Variants in SLC22A3 observed in about 807,000 individuals in gnomAD.
SLC22A3 encodes EMT organic cation transporter 3.
Under a neutral mutation model 59.1 loss-of-function variants are expected in SLC22A3, and 51 were observed. The observed-to-expected ratio is 0.86, with a 90% CI of 0.69 to 1.09. The LOEUF is 1.09. Among genes scored for constraint, SLC22A3 ranks in the 50% least tolerant of loss-of-function variants. SLC22A3 has a pLI of 0.00. For missense variants in SLC22A3, 711 were observed against 726.3 expected, an observed-to-expected ratio of 0.98 and a Z score of 0.24; for synonymous variants, 325 against 292.0, an observed-to-expected ratio of 1.11 and a Z score of -1.15.
rs3066963 is a variant in SLC22A3, at chr6:160,410,956, TTA to T, written c.975+122_975+123del. ...TAAATTTATATACAAAATATGCATA[TTA>T]TATATATATATGTATGTATGTATAT... is the stretch of plus-strand genomic sequence containing the variant. On this transcript the variant is annotated intron_variant, in intron 5 of 10. Transcript: ENST00000275300. The T allele has an allele frequency of 3.8e-3, 2,167 of 572,494 alleles. 47 individuals carry two copies. The East Asian group carries it at 0.049, about 13-fold the overall frequency. The allele number at this position is 572,494 out of a possible 1,614,324, so 35.5% of individuals were successfully genotyped here. A position where few individuals can be genotyped will look rare whatever the true frequency, so the allele number is the denominator to read the frequency against.
rs1049312393 is a variant in SLC22A3 at position 160,407,299 on chromosome 6, G to A, written c.688+104G>A. On this transcript the variant is annotated intron_variant, in intron 3 of 10. Transcript: ENST00000275300. ...TCTTCCTCATGTGTCCTTTAACAAA[G>A]GAGGTTTCACTGCAGCTACAGTAAT... 3.1e-5 allele frequency: 39 copies of A among 1,239,894 alleles called. No individual in the cohort carries two copies. In the Admixed American group the frequency reaches 9.4e-4, roughly 30 times the overall value. The allele number at this position is 1,239,894 out of a possible 1,614,324, so 76.8% of individuals were successfully genotyped here.
chr6:160,405,619 A>G (rs943399977), intron 2 of SLC22A3, among the ~76,000 whole-genome samples: 17 of 152,156 alleles, frequency 1.1e-4, no homozygotes, highest in Non-Finnish European at 2.2e-4. Context: ...CCAAAAACCT[A>G]CACATACATG....
At position 160,352,647 on chromosome 6, in the gene SLC22A3, A is replaced by T. The variant is rs548528531; in HGVS notation, c.429+3799A>T. ...GGAATCACTTTTTCCCTTCCAGATT[A>T]CCTGGCTGAATCTATAAAAACTGAA... is the stretch of plus-strand genomic sequence containing the variant. On this transcript the variant is annotated intron_variant, in intron 1 of 10. Coordinates refer to ENST00000275300, the MANE Select transcript of SLC22A3 (RefSeq NM_021977.4). Among the ~76,000 whole-genome samples the T allele has an allele frequency of 6.8e-4, 103 of 152,302 alleles. 1 individual carries two copies. Among genetic ancestry groups the T allele is most frequent in the African/African-American group, 2.4e-3 (99 of 41,562 alleles).
At chr6:160,378,658 A>G (rs1048484812) in intron 1 of SLC22A3, among the ~76,000 whole-genome samples, 6 of 152,200 alleles carry the variant, frequency 3.9e-5, no homozygotes, top group Non-Finnish European at 8.8e-5. Context: ...GTTAAATTGA[A>G]AATATCATAA....
chr6:160,435,383 C>T (rs1400401199), intron 5 of SLC22A3, among the ~76,000 whole-genome samples: 1 of 152,190 alleles, frequency 6.6e-6, no homozygotes, highest in Non-Finnish European at 1.5e-5. Context: ...AGTTGTAGGA[C>T]ACCTTCCAAT....
chr6:160,374,003 C>T (rs545059588), intron 1 of SLC22A3, among the ~76,000 whole-genome samples: 3 of 152,312 alleles, frequency 2.0e-5, no homozygotes, highest in African/African-American at 7.2e-5. Flanking sequence ...AGCCCCCTTT[C>T]CAGGGGAGAG....
In SLC22A3 at chr6:160,451,233, T is replaced by C. The variant is rs1429018753; in HGVS notation, c.*177T>C. ...TATATAATGTTGGATGAGTTAGGAT[T>C]TGTAATGCTGTTGAAGTTTCTGGGA... On this transcript the variant is annotated 3_prime_UTR_variant, in exon 11 of 11. Transcript: ENST00000275300. The C allele has an allele frequency of 4.7e-6, 3 of 633,226 alleles. No individual in the cohort carries two copies. In the African/African-American group the frequency reaches 5.5e-5, roughly 12 times the overall value. The allele number at this position is 633,226 out of a possible 1,614,324, so 39.2% of individuals were successfully genotyped here.
intron 1 of SLC22A3, among the ~76,000 whole-genome samples, chr6:160,349,880 CTT>C (rs926645696): frequency 6.6e-6 from 1 of 152,114 alleles, no homozygotes; most frequent in Non-Finnish European, 1.5e-5. Context: ...AAAGGTTTGT[CTT>C]TTTTTTGTGA....
rs1274779208 is a variant in SLC22A3, at chr6:160,437,092, A to G, written c.1169A>G (p.Glu390Gly). Reference sequence around the variant, plus strand: ...GACTTTTTCATCTCGGGCGTGGTGGAACTGCCAGGAGCTCTCTTGATCTTA... The same window carrying G: ...GACTTTTTCATCTCGGGCGTGGTGGGACTGCCAGGAGCTCTCTTGATCTTA... Reference protein sequence around the residue: ...YIDFFISGVVELPGALLILLT... With the variant: ...YIDFFISGVVGLPGALLILLT... Residue 390 changes from glutamate to glycine, a missense_variant, in exon 7 of 11, where the codon GAA (glutamate) becomes GGA (glycine). Transcript: ENST00000275300. 2 of 1,614,178 alleles carry G rather than the reference A, an allele frequency of 1.2e-6. No homozygotes were observed. Among genetic ancestry groups the G allele is most frequent in the African/African-American group, 2.7e-5 (2 of 75,048 alleles).
chr6:160,449,992 A>G (rs1788889106), intron 10 of SLC22A3, among the ~76,000 whole-genome samples: 1 of 152,188 alleles, frequency 6.6e-6, no homozygotes, highest in Admixed American at 6.5e-5. Context: ...ATCACAAGAC[A>G]AAGAGCAAAA....
intron 5 of SLC22A3, among the ~76,000 whole-genome samples, chr6:160,423,453 G>A (rs1180977946): frequency 6.6e-6 from 1 of 152,196 alleles, no homozygotes; most frequent in Non-Finnish European, 1.5e-5. Flanking sequence ...CACAAACAGT[G>A]TGAAAGTGTT....
At chr6:160,427,431 G>A (rs984284443) in intron 5 of SLC22A3, among the ~76,000 whole-genome samples, 6 of 152,116 alleles carry the variant, frequency 3.9e-5, no homozygotes, top group Non-Finnish European at 8.8e-5. Flanking sequence ...AGTGGGGGAA[G>A]GGCCTTATGT....
At chr6:160,435,176 T>TCTA (rs1344736708) in intron 5 of SLC22A3, among the ~76,000 whole-genome samples, 1 of 152,160 alleles carries the variant, frequency 6.6e-6, no homozygotes, top group East Asian at 1.9e-4. Context: ...CAACTAAAAT[T>TCTA]CTACGTATTC....
In SLC22A3 at chr6:160,378,764, C is replaced by T. The variant is rs562268989; in HGVS notation, c.430-19215C>T. ...CAGAATGCTTACACTAGCCTGCAGT[C>T]GGGCAAAATTATCTAACACAAAGCC... On this transcript the variant is annotated intron_variant, in intron 1 of 10. Transcript: ENST00000275300. Among the ~76,000 whole-genome samples the T allele has an allele frequency of 2.6e-5, 4 of 152,244 alleles. No homozygotes were observed. The East Asian group carries it at 7.7e-4, about 29-fold the overall frequency.
rs778506325 is a variant in SLC22A3, at chr6:160,436,977, G to A, written c.1074-20G>A. On this transcript the variant is annotated intron_variant, in intron 6 of 10. Coordinates refer to ENST00000275300, the MANE Select transcript of SLC22A3 (RefSeq NM_021977.4). Reference sequence around the variant, plus strand: ...AGTTATCTCTTACTTGTTCTCTGGTGTCTTTCAATGTTGCTACAGGTTCAC... The same window carrying A: ...AGTTATCTCTTACTTGTTCTCTGGTATCTTTCAATGTTGCTACAGGTTCAC... The A allele has an allele frequency of 1.2e-6, 2 of 1,613,950 alleles. No individual in the cohort carries two copies. The highest frequency in any genetic ancestry group is 1.1e-5 in the South Asian group (1 of 91,078).
intron 1 of SLC22A3, among the ~76,000 whole-genome samples, chr6:160,391,066 C>T (rs1455939063): frequency 1.3e-5 from 2 of 152,162 alleles, no homozygotes; most frequent in Non-Finnish European, 2.9e-5. Flanking sequence ...CAAAGGATAC[C>T]TGTCATTGGA....
chr6:160,430,689 C>A (rs1788120446), intron 5 of SLC22A3, among the ~76,000 whole-genome samples: 1 of 152,174 alleles, frequency 6.6e-6, no homozygotes, highest in Non-Finnish European at 1.5e-5. Context: ...TTGAGCGATA[C>A]CTTTTCCCAT....
chr6:160,361,436 A>G (rs571222138), intron 1 of SLC22A3, among the ~76,000 whole-genome samples: 2 of 152,350 alleles, frequency 1.3e-5, no homozygotes, highest in South Asian at 2.1e-4. Flanking sequence ...AGTGATGACA[A>G]TGATACTGAG....
intron 5 of SLC22A3, among the ~76,000 whole-genome samples, chr6:160,414,897 G>A (rs112706245): frequency 0.011 from 1,690 of 152,190 alleles, 38 homozygotes; most frequent in African/African-American, 0.038. Context: ...GTACTCTTTC[G>A]GATGCTCAAA....
Sources: gnomAD v4.1 joint callset for allele counts (sites outside exome capture counted in the v4.1 genomes callset) on GRCh38, gnomAD v4.1.1 for gene constraint, MANE v1.5 for transcripts, NCBI Gene and HGNC (gene_info 2026-07-23, HGNC 2026-07-21) for gene names.